The following SSBP2 variants were observed in gnomAD, a reference collection of about 807,000 sequenced individuals.
The protein encoded by SSBP2 is single-stranded DNA-binding protein 2.
SSBP2 carries 17 observed loss-of-function variants against 61.8 expected under a neutral mutation model. The observed-to-expected ratio is 0.28, with a 90% CI of 0.19 to 0.41. The LOEUF (loss-of-function observed/expected upper bound fraction) is 0.41, where lower values mean the gene tolerates loss of function less well. SSBP2 is among the 10% of genes least tolerant of loss of function. The pLI, the probability that SSBP2 is intolerant of heterozygous loss-of-function variation, is 1.00. For synonymous variants in SSBP2, 139 were observed against 141.3 expected (o/e 0.98, Z 0.12); for missense variants, 310 against 458.7 (o/e 0.68, Z 2.96).
intron 1 of SSBP2, among the ~76,000 whole-genome samples, chr5:81,711,252 G>T (rs2153934893): frequency 6.6e-6 from 1 of 152,028 alleles, no homozygotes; most frequent in South Asian, 2.1e-4. Context: ...GAAACAATAG[G>T]CTTTTATGTT....
chr5:81,644,060 G>C (rs1259468004), intron 2 of SSBP2, among the ~76,000 whole-genome samples: 2 of 152,280 alleles, frequency 1.3e-5, no homozygotes, highest in East Asian at 3.9e-4. Flanking sequence ...TAAGTTAACT[G>C]AATGTTCCTC....
chr5:81,742,444 T>A (rs2154022463), intron 1 of SSBP2, among the ~76,000 whole-genome samples: 1 of 152,336 alleles, frequency 6.6e-6, no homozygotes, highest in Middle Eastern at 3.4e-3. Context: ...ATTACATCCT[T>A]AACTCATTTA....
intron 4 of SSBP2, among the ~76,000 whole-genome samples, chr5:81,545,229 A>G (rs1020965317): frequency 6.6e-6 from 1 of 152,238 alleles, no homozygotes; most frequent in Non-Finnish European, 1.5e-5. Flanking sequence ...ATATACTTAA[A>G]AATTGTTTAT....
chr5:81,430,068 T>G (rs1762192913), intron 15 of SSBP2, among the ~76,000 whole-genome samples: 1 of 152,190 alleles, frequency 6.6e-6, no homozygotes, highest in African/African-American at 2.4e-5. Context: ...CTGAATATCT[T>G]GATTTCCTGG....
At chr5:81,473,961 G>T (rs1477400839) in intron 7 of SSBP2, among the ~76,000 whole-genome samples, 191 bp from the exon 8 acceptor site, 1 of 152,076 alleles carries the variant, frequency 6.6e-6, no homozygotes, top group African/African-American at 2.4e-5. Flanking sequence ...TTAATGTCTT[G>T]ACTGAAATTT....
At chr5:81,503,247 G>A (rs1263455514) in intron 5 of SSBP2, among the ~76,000 whole-genome samples, 1 of 152,178 alleles carries the variant, frequency 6.6e-6, no homozygotes. Flanking sequence ...GAGGTCAGGA[G>A]ATCAAGACCA....
Position 81,570,360 on chromosome 5 carries a change from C to T in SSBP2, c.282+45113G>A, listed in dbSNP as rs1034747420. ...TAGTAACATGAATAGCACCAGAATT[C>T]TTGAAAATTTAATCTTTGAGGTATC... On this transcript the variant is annotated intron_variant, in intron 4 of 16. Coordinates refer to ENST00000320672, the MANE Select transcript of SSBP2 (RefSeq NM_012446.5). Among the ~76,000 whole-genome samples the T allele has an allele frequency of 2.0e-5, 3 of 152,258 alleles. No individual in the cohort carries two copies. The East Asian group carries it at 5.8e-4, about 29-fold the overall frequency.
At chr5:81,639,908 A>G (rs1427911693) in intron 2 of SSBP2, among the ~76,000 whole-genome samples, 1 of 152,258 alleles carries the variant, frequency 6.6e-6, no homozygotes, top group Non-Finnish European at 1.5e-5. Flanking sequence ...AATCCTCTTT[A>G]ATAAAAAGAT....
At chr5:81,685,434 T>C (rs1185529111) in intron 1 of SSBP2, among the ~76,000 whole-genome samples, 5 of 152,124 alleles carry the variant, frequency 3.3e-5, no homozygotes, top group South Asian at 2.1e-4. Flanking sequence ...ATGTAAGATA[T>C]GGATAATCAG....
intron 2 of SSBP2, among the ~76,000 whole-genome samples, chr5:81,641,966 GGT>G (rs916143614): frequency 6.6e-5 from 10 of 152,004 alleles, no homozygotes; most frequent in African/African-American, 2.4e-4. Context: ...TGTGCTTGTA[GGT>G]GTGTGTGCAT....
intron 4 of SSBP2, among the ~76,000 whole-genome samples, chr5:81,527,198 T>C (rs150678931): frequency 2.0e-5 from 3 of 152,130 alleles, no homozygotes; most frequent in African/African-American, 7.2e-5. Flanking sequence ...AAGCACATGA[T>C]TATTAGATGT....
At chr5:81,654,210 C>T (rs1194325205) in intron 1 of SSBP2, among the ~76,000 whole-genome samples, 5 of 152,142 alleles carry the variant, frequency 3.3e-5, no homozygotes, top group Non-Finnish European at 7.4e-5. Context: ...AGAGATCCTC[C>T]TGCCTAGGCT....
At chr5:81,422,790 T>G (rs1761693416) in intron 16 of SSBP2, among the ~76,000 whole-genome samples, 2 of 152,228 alleles carry the variant, frequency 1.3e-5, no homozygotes, top group Non-Finnish European at 1.5e-5. Context: ...AGACAAATGC[T>G]GATGACATGG....
chr5:81,629,549 TCCAATTA>T (rs1747496809), intron 3 of SSBP2, among the ~76,000 whole-genome samples: 1 of 152,226 alleles, frequency 6.6e-6, no homozygotes, highest in Non-Finnish European at 1.5e-5. Context: ...TATTCCTTGC[TCCAATTA>T]CCCTTCTCTC....
At chr5:81,528,217 T>C (rs1420651237) in intron 4 of SSBP2, among the ~76,000 whole-genome samples, 1 of 152,060 alleles carries the variant, frequency 6.6e-6, no homozygotes, top group Non-Finnish European at 1.5e-5. Context: ...TATATTATGA[T>C]GATATGTTTT....
chr5:81,594,948 C>A (rs1202249170), intron 4 of SSBP2, among the ~76,000 whole-genome samples: 1 of 152,056 alleles, frequency 6.6e-6, no homozygotes, highest in African/African-American at 2.4e-5. Flanking sequence ...GAAGCAAGAG[C>A]AAACACGTTC....
At chr5:81,651,306 A>C (rs150965440) in intron 1 of SSBP2, among the ~76,000 whole-genome samples, 105 of 152,272 alleles carry the variant, frequency 6.9e-4, no homozygotes, top group African/African-American at 2.5e-3. Context: ...CTTGCCAAGC[A>C]GATTTTCGAC....
At chr5:81,613,639 A>G (rs965398962) in intron 4 of SSBP2, among the ~76,000 whole-genome samples, 10 of 152,244 alleles carry the variant, frequency 6.6e-5, no homozygotes, top group African/African-American at 9.6e-5. Flanking sequence ...TAGGCTATCA[A>G]ATATTGTATC....
intron 2 of SSBP2, among the ~76,000 whole-genome samples, chr5:81,643,539 C>A (rs71636283): frequency 0.011 from 1,706 of 148,932 alleles, 16 homozygotes; most frequent in Non-Finnish European, 0.02. Flanking sequence ...ATGAGTATAT[C>A]TATATACTAA....
Sources: gnomAD v4.1 joint callset for allele counts (sites outside exome capture counted in the v4.1 genomes callset) on GRCh38, gnomAD v4.1.1 for gene constraint, MANE v1.5 for transcripts, NCBI Gene and HGNC (gene_info 2026-07-23, HGNC 2026-07-21) for gene names.